Variants in CLTCL1 observed in about 807,000 individuals in gnomAD.
CLTCL1 encodes clathrin heavy chain like 1.
Under a neutral mutation model 190.0 loss-of-function variants are expected in CLTCL1, and 159 were observed. The observed-to-expected ratio is 0.84, with a 90% confidence interval of 0.74 to 0.95. The LOEUF is 0.95. Ranked by LOEUF, CLTCL1 falls within the 40% of genes least tolerant of loss-of-function variation. The pLI is 0.00. For missense variants in CLTCL1, 1,878 were observed against 2,033.4 expected, an observed-to-expected ratio of 0.92 and a Z score of 1.47; for synonymous variants, 752 against 769.6, an observed-to-expected ratio of 0.98 and a Z score of 0.38.
At chr22:19,194,856 C>T (rs537905412) in intron 26 of CLTCL1, among the ~76,000 whole-genome samples, 12 of 152,348 alleles carry the variant, frequency 7.9e-5, no homozygotes, top group Middle Eastern at 3.4e-3. Flanking sequence ...TGATTGGACC[C>T]CTGCACTGGC....
chr22:19,233,368 T>C (rs1555960106), intron 8 of CLTCL1, 50 bp from the exon 9 acceptor site: 2 of 1,610,406 alleles, frequency 1.2e-6, no homozygotes, highest in Admixed American at 1.7e-5. Context: ...GTAGGGAGCC[T>C]GGACCAAGTT....
intron 26 of CLTCL1, among the ~76,000 whole-genome samples, chr22:19,192,223 G>A (rs1280960346): frequency 4.6e-5 from 7 of 152,028 alleles, no homozygotes; most frequent in Admixed American, 4.6e-4. Flanking sequence ...CTGCCACCAT[G>A]CCCGGCTAAT....
intron 1 of CLTCL1, among the ~76,000 whole-genome samples, chr22:19,290,466 A>ACCTCAACATGACTGGTGCTG (rs2088069446): frequency 6.6e-6 from 1 of 152,202 alleles, no homozygotes; most frequent in South Asian, 2.1e-4. Flanking sequence ...GTATTTTGCT[A>ACCTCAACATGACTGGTGCTG]CCTCAACATG....
intron 2 of CLTCL1, among the ~76,000 whole-genome samples, chr22:19,257,252 T>C (rs967864276): frequency 6.6e-6 from 1 of 152,062 alleles, no homozygotes; most frequent in Non-Finnish European, 1.5e-5. Flanking sequence ...CAGACACCAG[T>C]GGAATATAAG....
In CLTCL1 at chr22:19,224,029, G is replaced by A. The variant is rs564041618; in HGVS notation, c.2154C>T (p.Ile718=). 162 of 1,613,952 alleles carry A rather than the reference G, an allele frequency of 1.0e-4. 2 individuals are homozygous for A. The South Asian group carries it at 1.3e-3, about 13-fold the overall frequency. The change falls in exon 14 of 33, where the codon ATC becomes ATT. Residue 718 remains isoleucine, a synonymous_variant. Transcript: ENST00000427926. ...YKGLFYFLGS[I]VNFSQDPDVH... is the part of the protein sequence containing the mutation. ...CATCTGGGTCTTGGCTGAAGTTCAC[G>A]ATTGAGCCCAGGAAGTAGAAGAGGC...
intron 13 of CLTCL1, among the ~76,000 whole-genome samples, chr22:19,224,469 C>G (rs938484660): frequency 1.3e-5 from 2 of 152,128 alleles, no homozygotes; most frequent in African/African-American, 2.4e-5. Flanking sequence ...ACAGAGCTGA[C>G]AGTGACATGG....
rs540101661 is a variant in CLTCL1 at position 19,208,722 on chromosome 22, A to T, written c.3442+200T>A. 2.6e-5 allele frequency among the ~76,000 whole-genome samples: 4 copies of T among 152,124 alleles called. No individual in the cohort carries two copies. The South Asian group carries it at 8.3e-4, about 32-fold the overall frequency. On this transcript the variant is annotated intron_variant, in intron 21 of 32. Coordinates refer to ENST00000427926, the MANE Select transcript of CLTCL1 (RefSeq NM_007098.4). The stretch of plus-strand genomic sequence containing the variant: ...ATGACCTCATCTTGTAAAGGAGGGC[A>T]ATAGTCAACTAAAGAGCTGGTGTCA...
At chr22:19,207,933 T>C in intron 22 of CLTCL1, 1 of 688,092 alleles carries the variant, frequency 1.5e-6, no homozygotes, top group Admixed American at 2.1e-5. Context: ...GTTGTAGAAT[T>C]ATTTCATTAT....
intron 24 of CLTCL1, among the ~76,000 whole-genome samples, chr22:19,197,055 C>T (rs1555936344): frequency 6.6e-6 from 1 of 152,160 alleles, no homozygotes; most frequent in East Asian, 1.9e-4. Context: ...TGCCACGTGG[C>T]TGTTGTTTCA....
At chr22:19,283,416 G>A (rs2087793715) in intron 1 of CLTCL1, among the ~76,000 whole-genome samples, 2 of 152,002 alleles carry the variant, frequency 1.3e-5, no homozygotes, top group Admixed American at 6.6e-5. Context: ...AAGTAGCTGG[G>A]AATACAGGTG....
chr22:19,226,271 T>A lies in CLTCL1; in HGVS notation c.1895A>T (p.Asp632Val). ...CACAGCCCTCTTGATGTCATAGAGG[T>A]CGGTGTAGTGCTCCAGTGCTTGCTG... The part of the protein sequence containing the change: ...LLQQALEHYT[D>V]LYDIKRAVVH... The change falls in exon 12 of 33, where the codon GAC (aspartate) becomes GTC (valine). Residue 632 changes from aspartate to valine, a missense_variant. Asp to Val is a radical substitution (Grantham distance 152, BLOSUM62 -3). Transcript: ENST00000427926. The A allele has an allele frequency of 6.2e-7, 1 of 1,613,888 alleles. No individual in the cohort carries two copies. Among genetic ancestry groups the A allele is most frequent in the African/African-American group, 1.3e-5 (1 of 74,988 alleles).
chr22:19,291,339 C>T (rs1235615819), intron 1 of CLTCL1, among the ~76,000 whole-genome samples: 2 of 152,126 alleles, frequency 1.3e-5, no homozygotes, highest in African/African-American at 4.8e-5. Context: ...AGCGGGGCGT[C>T]CCAGGGGGCG....
intron 1 of CLTCL1, among the ~76,000 whole-genome samples, chr22:19,286,014 A>G (rs782299659): frequency 6.6e-6 from 1 of 152,164 alleles, no homozygotes; most frequent in Non-Finnish European, 1.5e-5. Flanking sequence ...AGACAGACAG[A>G]GGCTGAACTG....
intron 2 of CLTCL1, among the ~76,000 whole-genome samples, chr22:19,256,379 C>T (rs1207569336): frequency 9.6e-6 from 1 of 104,486 alleles, no homozygotes; most frequent in African/African-American, 3.6e-5. Context: ...TTTTTTGAGA[C>T]ACAGTCTCTC....
chr22:19,289,160 T>C (rs1233476901), intron 1 of CLTCL1, among the ~76,000 whole-genome samples: 1 of 152,132 alleles, frequency 6.6e-6, no homozygotes, highest in Admixed American at 6.5e-5. Context: ...ATACTGTATT[T>C]TTAGTAGAGA....
At chr22:19,241,533 G>T (rs1312004399) in intron 4 of CLTCL1, among the ~76,000 whole-genome samples, 1 of 152,224 alleles carries the variant, frequency 6.6e-6, no homozygotes, top group African/African-American at 2.4e-5. Flanking sequence ...TTCAGATGAG[G>T]AAGTTTGTAA....
At chr22:19,200,854 A>AAAAC (rs756834848) in intron 23 of CLTCL1, among the ~76,000 whole-genome samples, 11 of 152,260 alleles carry the variant, frequency 7.2e-5, no homozygotes, top group South Asian at 2.1e-4. Context: ...AAACAAAAAC[A>AAAAC]AAACAAACAA....
intron 29 of CLTCL1, chr22:19,184,545 G>T: frequency 2.2e-6 from 1 of 455,974 alleles, no homozygotes; most frequent in Non-Finnish European, 4.4e-6. Flanking sequence ...TCCTACAAAG[G>T]CACCAGGATT....
chr22:19,240,392 T>C (rs1481617399), intron 4 of CLTCL1, among the ~76,000 whole-genome samples: 2 of 151,922 alleles, frequency 1.3e-5, no homozygotes, highest in South Asian at 2.1e-4. Flanking sequence ...AGGGTGTCTG[T>C]GGAGGGGCAG....
Sources: gnomAD v4.1 joint callset for allele counts (sites outside exome capture counted in the v4.1 genomes callset) on GRCh38, gnomAD v4.1.1 for gene constraint, MANE v1.5 for transcripts, NCBI Gene and HGNC (gene_info 2026-07-23, HGNC 2026-07-21) for gene names.